The following CPS1 variants were observed in gnomAD, a reference collection of about 807,000 sequenced individuals.
CPS1 encodes carbamoyl-phosphate synthase 1, also known as carbamoyl-phosphate synthase [ammonia], mitochondrial.
CPS1 carries 109 observed loss-of-function variants against 174.6 expected under a neutral mutation model. That is an observed-to-expected ratio of 0.62 (90% CI 0.53 to 0.73). The LOEUF (loss-of-function observed/expected upper bound fraction) is 0.73. CPS1 is among the 30% of genes least tolerant of loss of function. The pLI, the probability that CPS1 is intolerant of heterozygous loss-of-function variation, is 0.00. For missense variants in CPS1, 1,689 were observed against 1,821.9 expected, an observed-to-expected ratio of 0.93 and a Z score of 1.33; for synonymous variants, 637 against 632.0, an observed-to-expected ratio of 1.01 and a Z score of -0.12.
At chr2:210,507,481 A>G (rs1191022817) in intron 1 of CPS1, among the ~76,000 whole-genome samples, 2 of 152,160 alleles carry the variant, frequency 1.3e-5, no homozygotes, top group Non-Finnish European at 2.9e-5. Flanking sequence ...AACGAGCAAA[A>G]TAACCAGCTA....
intron 31 of CPS1, among the ~76,000 whole-genome samples, chr2:210,659,760 C>T (rs1357723648): frequency 1.3e-5 from 2 of 152,080 alleles, no homozygotes. Context: ...ATCACAGTTG[C>T]TAGAGGGGAT....
intron 14 of CPS1, among the ~76,000 whole-genome samples, chr2:210,600,106 G>C (rs1413771164): frequency 1.3e-5 from 2 of 148,968 alleles, no homozygotes; most frequent in African/African-American, 5.0e-5. Flanking sequence ...GATATAACTT[G>C]TATGTCAAAA....
At chr2:210,571,828 TATG>T (rs1697499766) in intron 1 of CPS1, among the ~76,000 whole-genome samples, 1 of 150,958 alleles carries the variant, frequency 6.6e-6, no homozygotes, top group Non-Finnish European at 1.5e-5. Flanking sequence ...AGAAATCATT[TATG>T]GAGTTCCTGC....
chr2:210,544,847 A>T (rs908050512), intron 1 of CPS1, among the ~76,000 whole-genome samples: 1 of 152,004 alleles, frequency 6.6e-6, no homozygotes, highest in African/African-American at 2.4e-5. Context: ...GTATTTACTG[A>T]GGAAATACGT....
chr2:210,559,341 A>G (rs1402466283), intron 1 of CPS1, among the ~76,000 whole-genome samples: 1 of 152,036 alleles, frequency 6.6e-6, no homozygotes, highest in Non-Finnish European at 1.5e-5. Context: ...CGACATATTT[A>G]GAGGTTTGCT....
chr2:210,587,121 T>C (rs1698137407), intron 6 of CPS1, among the ~76,000 whole-genome samples: 1 of 152,024 alleles, frequency 6.6e-6, no homozygotes, highest in African/African-American at 2.4e-5. Flanking sequence ...ACCCCAGATA[T>C]AGTTTATATA....
At chr2:210,580,426 A>G (rs896450007) in intron 5 of CPS1, among the ~76,000 whole-genome samples, 1 of 152,048 alleles carries the variant, frequency 6.6e-6, no homozygotes, top group African/African-American at 2.4e-5. Context: ...TGAGTTTATT[A>G]TTATTTTACT....
At chr2:210,496,184 C>T (rs952028812) in intron 1 of CPS1, among the ~76,000 whole-genome samples, 4 of 151,618 alleles carry the variant, frequency 2.6e-5, no homozygotes, top group South Asian at 4.1e-4. Context: ...GCATCTGTCC[C>T]TGGGTTCTGT....
intron 10 of CPS1, 27 bp from the exon 11 acceptor site, chr2:210,592,852 A>C: frequency 6.3e-7 from 1 of 1,591,786 alleles, no homozygotes; most frequent in Middle Eastern, 1.7e-4. Context: ...TACAGAAGGA[A>C]TTTCTTCCTG....
intron 1 of CPS1, among the ~76,000 whole-genome samples, chr2:210,544,690 T>TTG (rs1696516922): frequency 6.6e-6 from 1 of 152,062 alleles, no homozygotes. Flanking sequence ...ATCTTTTTCT[T>TTG]CAGGCTGAAA....
chr2:210,592,807 C>T (rs368341152), intron 10 of CPS1, 72 bp from the exon 11 acceptor site: 6 of 1,429,506 alleles, frequency 4.2e-6, no homozygotes, highest in Middle Eastern at 1.8e-4. Flanking sequence ...TTATTGTTCC[C>T]TGAATAATAC....
In CPS1 at chr2:210,591,955, G is replaced by T; in HGVS notation, c.1072G>T (p.Asp358Tyr). Residue 358 changes from aspartate to tyrosine, a missense_variant, in exon 10 of 38, where the codon GAT becomes TAT. Asp to Tyr is a radical substitution (Grantham distance 160). Transcript: ENST00000233072. The stretch of plus-strand genomic sequence containing the variant: ...GAAACCACTTTTTGTGAATGTCAAC[G>T]ATCAAACAAATGAGGTAAATGATGT... ...GWKPLFVNVNDQTNEGIMHES... is the reference protein window; with the variant it reads ...GWKPLFVNVNYQTNEGIMHES... The T allele has an allele frequency of 1.9e-6, 3 of 1,611,468 alleles. No homozygotes were observed. The highest frequency in any genetic ancestry group is 1.7e-6 in the Non-Finnish European group (2 of 1,178,740).
chr2:210,636,163 A>T (rs2371005), intron 21 of CPS1, among the ~76,000 whole-genome samples: 59,994 of 151,996 alleles, frequency 0.39, 12,637 homozygotes, highest in Middle Eastern at 0.48. Flanking sequence ...TTGTATTAAC[A>T]ATTACATGAA....
intron 1 of CPS1, among the ~76,000 whole-genome samples, chr2:210,544,813 TA>T (rs763434864): frequency 4.6e-5 from 7 of 152,068 alleles, no homozygotes; most frequent in Non-Finnish European, 1.0e-4. Flanking sequence ...TATTTAGTCT[TA>T]AAGTTTAAGA....
At chr2:210,589,747 A>G (rs1354216773) in intron 7 of CPS1, among the ~76,000 whole-genome samples, 5 of 151,470 alleles carry the variant, frequency 3.3e-5, no homozygotes, top group African/African-American at 1.2e-4. Context: ...GGAACCTGTG[A>G]CTCCTGGACT....
At position 210,602,407 on chromosome 2, in the gene CPS1, T is replaced by C. The variant is rs553613488; in HGVS notation, c.1836+77T>C. 27 of 1,499,238 alleles carry C rather than the reference T, an allele frequency of 1.8e-5. 1 individual carries two copies. In the South Asian group the frequency reaches 2.8e-4, roughly 16 times the overall value. The allele number at this position is 1,499,238 out of a possible 1,614,324, so 92.9% of individuals were successfully genotyped here. ...AGACCTTTTCAACTAGAGAAAGTTA[T>C]GTAGATGAGAAATTACATTTTCTTT... On this transcript the variant is annotated intron_variant, in intron 16 of 37. Transcript: ENST00000233072.
chr2:210,516,367 A>G (rs1284674277), intron 1 of CPS1, among the ~76,000 whole-genome samples: 2 of 151,762 alleles, frequency 1.3e-5, no homozygotes, highest in African/African-American at 4.8e-5. Flanking sequence ...CATCCAATTG[A>G]TTCACAATGC....
intron 5 of CPS1, among the ~76,000 whole-genome samples, chr2:210,580,399 C>T (rs1697882450): frequency 6.6e-6 from 1 of 152,038 alleles, no homozygotes; most frequent in Admixed American, 6.6e-5. Flanking sequence ...GAGAATATCT[C>T]ATCACCATCT....
intron 17 of CPS1, among the ~76,000 whole-genome samples, chr2:210,606,229 C>CT (rs1408465399): frequency 3.3e-5 from 5 of 151,712 alleles, no homozygotes; most frequent in Non-Finnish European, 5.9e-5. Flanking sequence ...GAGAGAGAAG[C>CT]TTTGTATGGT....
Sources: allele counts gnomAD v4.1 joint callset (sites outside exome capture counted in the v4.1 genomes callset), GRCh38; gene constraint gnomAD v4.1.1; transcripts MANE v1.5; gene names NCBI Gene and HGNC (gene_info 2026-07-23, HGNC 2026-07-21).